The following TBX20 variants were observed in gnomAD, a reference collection of about 807,000 sequenced individuals.
The protein encoded by TBX20 is T-box transcription factor TBX20.
In TBX20, 8 loss-of-function variants were observed where a neutral mutation model predicts 42.9. That is an observed-to-expected ratio of 0.19 (90% CI 0.11 to 0.34). The LOEUF is 0.34. Ranked by LOEUF, TBX20 falls within the 10% of genes least tolerant of loss-of-function variation. The pLI is 1.00. For synonymous variants in TBX20, 198 were observed against 222.8 expected (o/e 0.89, Z 0.99); for missense variants, 411 against 566.0 (o/e 0.73, Z 2.78).
intron 6 of TBX20, among the ~76,000 whole-genome samples, chr7:35,211,267 A>G (rs558470173): frequency 6.6e-6 from 1 of 152,202 alleles, no homozygotes; most frequent in African/African-American, 2.4e-5. Flanking sequence ...CTATCTTCTT[A>G]AAATATTTAA....
chr7:35,211,800 C>T (rs997838938), intron 6 of TBX20, among the ~76,000 whole-genome samples: 19 of 152,126 alleles, frequency 1.2e-4, no homozygotes, highest in African/African-American at 4.3e-4. Context: ...CTGTACTCAT[C>T]CTTATCTTTG....
At chr7:35,224,771 T>A (rs1287676900) in intron 6 of TBX20, among the ~76,000 whole-genome samples, 1 of 152,106 alleles carries the variant, frequency 6.6e-6, no homozygotes, top group Admixed American at 6.5e-5. Flanking sequence ...AAGGAAATAA[T>A]ATCAATAGAT....
At position 35,248,811 on chromosome 7, in the gene TBX20, A is replaced by C; in HGVS notation, c.411T>G (p.Phe137Leu). The C allele has an allele frequency of 3.1e-6, 5 of 1,614,104 alleles. No homozygotes were observed. In the South Asian group the frequency reaches 4.4e-5, roughly 14 times the overall value. ...ACTTGGCCTCAGGATCCACCCCCGA[A>C]AAGGACACCCGGATGGTTGGAAACA... is the stretch of plus-strand genomic sequence containing the variant. ...RRMFPTIRVSFSGVDPEAKYI... is the reference protein window; with the variant it reads ...RRMFPTIRVSLSGVDPEAKYI... The change falls in exon 3 of 8, where the codon TTT becomes TTG. Residue 137 changes from phenylalanine to leucine, a missense_variant. Around this residue, in one of 5 missense-constraint regions of TBX20, gnomAD observed 121 missense variants for 165.9 expected, o/e 0.73. Coordinates refer to ENST00000408931, the MANE Select transcript of TBX20 (RefSeq NM_001077653.2).
At chr7:35,232,018 C>T (rs1789875735) in intron 5 of TBX20, among the ~76,000 whole-genome samples, 1 of 152,126 alleles carries the variant, frequency 6.6e-6, no homozygotes, top group Non-Finnish European at 1.5e-5. Context: ...TTTTTTAGTA[C>T]TGTGAGTACA....
intron 6 of TBX20, among the ~76,000 whole-genome samples, chr7:35,223,925 A>G (rs1396675413): frequency 6.6e-6 from 1 of 152,194 alleles, no homozygotes; most frequent in African/African-American, 2.4e-5. Flanking sequence ...TGAGAGAGAG[A>G]ATATTGCTGT....
chr7:35,208,229 GATAGAA>G (rs1248182399), intron 6 of TBX20, among the ~76,000 whole-genome samples: 1 of 152,036 alleles, frequency 6.6e-6, no homozygotes, highest in Non-Finnish European at 1.5e-5. Flanking sequence ...ATTTATAATA[GATAGAA>G]ATACAATTTA....
At chr7:35,245,349 T>TGTGTGTG (rs1554287409) in intron 3 of TBX20, among the ~76,000 whole-genome samples, 1 of 151,400 alleles carries the variant, frequency 6.6e-6, no homozygotes, top group Non-Finnish European at 1.5e-5. Context: ...TGTGTGTGTG[T>TGTGTGTG]TTTCATCTAT....
intron 6 of TBX20, among the ~76,000 whole-genome samples, chr7:35,208,517 C>T (rs142264363): frequency 0.015 from 2,334 of 151,996 alleles, 46 homozygotes; most frequent in African/African-American, 0.053. Flanking sequence ...CTAAGGTGGG[C>T]GGATCACCTG....
chr7:35,233,294 T>C (rs1290264198), intron 5 of TBX20, among the ~76,000 whole-genome samples: 1 of 152,218 alleles, frequency 6.6e-6, no homozygotes, highest in Admixed American at 6.5e-5. Flanking sequence ...AATTATAAGA[T>C]TAACTCTTTG....
chr7:35,252,493 T>C (rs1790323850), intron 1 of TBX20, among the ~76,000 whole-genome samples: 1 of 152,164 alleles, frequency 6.6e-6, no homozygotes, highest in Non-Finnish European at 1.5e-5. Flanking sequence ...AAACACCTTA[T>C]TTTTGATCTC....
intron 6 of TBX20, among the ~76,000 whole-genome samples, chr7:35,208,673 T>C (rs1163758348): frequency 7.6e-6 from 1 of 131,598 alleles, no homozygotes; most frequent in Non-Finnish European, 1.5e-5. Flanking sequence ...ACCCAGAAGC[T>C]GGAGGTTGCA....
intron 6 of TBX20, among the ~76,000 whole-genome samples, chr7:35,211,639 G>A (rs1276551299): frequency 6.6e-6 from 1 of 152,110 alleles, no homozygotes; most frequent in Non-Finnish European, 1.5e-5. Flanking sequence ...TTATGATGGT[G>A]TTATATCTGG....
At position 35,244,903 on chromosome 7, in the gene TBX20, C is replaced by G. The variant is rs745755266; in HGVS notation, c.654+46G>C. 6 of 1,401,296 alleles carry G rather than the reference C, an allele frequency of 4.3e-6. No homozygotes were observed. The African/African-American group carries it at 8.5e-5, about 20-fold the overall frequency. The allele number at this position is 1,401,296 out of a possible 1,614,324, so 86.8% of individuals were successfully genotyped here. A position where few individuals can be genotyped will look rare whatever the true frequency, so the allele number is the denominator to read the frequency against. On this transcript the variant is annotated intron_variant, in intron 4 of 7. Coordinates refer to ENST00000408931, the MANE Select transcript of TBX20 (RefSeq NM_001077653.2). ...AGAGAGACAGTTTTGTGCGACCTGT[C>G]CATTCTACCTCAGGGAACCTGCACA...
At chr7:35,245,169 T>C in intron 3 of TBX20, 112 bp from the exon 4 acceptor site, 1 of 782,412 alleles carries the variant, frequency 1.3e-6, no homozygotes, top group African/African-American at 1.7e-5. Context: ...AAGTGGGAAA[T>C]TTTATTGCCC....
In TBX20 at chr7:35,253,868, C is replaced by A. The variant is rs893854107; in HGVS notation, c.-248G>T. The A allele has an allele frequency of 9.7e-6, 5 of 515,288 alleles. No individual in the cohort carries two copies. Among genetic ancestry groups the A allele is most frequent in the Admixed American group, 3.5e-5 (1 of 28,352 alleles). 31.9% of individuals were successfully genotyped at this position (515,288 alleles called of 1,614,324 possible). A position where few individuals can be genotyped will look rare whatever the true frequency, so the allele number is the denominator to read the frequency against. ...AGAGGAGAGGGCCCACCGAGCACTA[C>A]GGCGGGTGCGCACGCCCCGGGGCGC... On this transcript the variant is annotated 5_prime_UTR_variant, in exon 1 of 8. Coordinates refer to ENST00000408931, the MANE Select transcript of TBX20 (RefSeq NM_001077653.2).
intron 1 of TBX20, among the ~76,000 whole-genome samples, chr7:35,252,198 G>A (rs1228112620): frequency 1.3e-5 from 2 of 152,114 alleles, no homozygotes; most frequent in East Asian, 1.9e-4. Flanking sequence ...GAATTCAGGG[G>A]CCCCTAAACA....
intron 1 of TBX20, among the ~76,000 whole-genome samples, chr7:35,252,556 G>GT (rs5883503): frequency 1 from 152,236 of 152,236 alleles, 76,118 homozygotes; most frequent in Non-Finnish European, 1. Context: ...TATGTTAAGT[G>GT]TGGGAAGGAC....
intron 6 of TBX20, among the ~76,000 whole-genome samples, chr7:35,206,270 G>A (rs1367062107): frequency 2.6e-5 from 4 of 152,340 alleles, no homozygotes; most frequent in East Asian, 3.9e-4. Context: ...GGCCGGAGCC[G>A]GGGCCGGTGG....
At chr7:35,228,450 A>C (rs1789813482) in intron 6 of TBX20, among the ~76,000 whole-genome samples, 1 of 152,168 alleles carries the variant, frequency 6.6e-6, no homozygotes, top group South Asian at 2.1e-4. Flanking sequence ...GTCATCTCTA[A>C]GGAAATGGGG....
Sources: gnomAD v4.1 joint callset for allele counts (sites outside exome capture counted in the v4.1 genomes callset) on GRCh38, gnomAD v4.1.1 for gene constraint, gnomAD v4.1.1 regional missense constraint, MANE v1.5 for transcripts, NCBI Gene and HGNC (gene_info 2026-07-23, HGNC 2026-07-21) for gene names.